TEK: variants seen among roughly 807,000 people sequenced by gnomAD.
TEK encodes TEK receptor tyrosine kinase, also known as angiopoietin-1 receptor.
Under a neutral mutation model 131.8 loss-of-function variants are expected in TEK, and 43 were observed. That is an observed-to-expected ratio of 0.33 (90% CI 0.26 to 0.42). TEK has a LOEUF of 0.42. TEK is among the 10% of genes least tolerant of loss of function. The pLI, the probability that TEK is intolerant of heterozygous loss-of-function variation, is 1.00. For synonymous variants in TEK, 580 were observed against 491.6 expected (o/e 1.18, Z -2.38); for missense variants, 1,162 against 1,384.4 (o/e 0.84, Z 2.55).
intron 5 of TEK, 79 bp downstream of exon 5, chr9:27,172,826 C>T: frequency 6.3e-7 from 1 of 1,581,928 alleles, no homozygotes; most frequent in Non-Finnish European, 8.6e-7. Context: ...GATCTCGACA[C>T]AGATGGGAAT....
intron 1 of TEK, among the ~76,000 whole-genome samples, chr9:27,138,760 A>G (rs1822601989): frequency 6.6e-6 from 1 of 152,210 alleles, no homozygotes; most frequent in South Asian, 2.1e-4. Flanking sequence ...ACATAAACAG[A>G]TGGGTCCAAC....
chr9:27,120,205 A>G (rs890053248), intron 1 of TEK, among the ~76,000 whole-genome samples: 18 of 152,312 alleles, frequency 1.2e-4, no homozygotes, highest in African/African-American at 3.8e-4. Context: ...TCTCAGTCCC[A>G]CATACTATGA....
chr9:27,197,121 G>T (rs75015038), intron 11 of TEK, among the ~76,000 whole-genome samples, 194 bp from the exon 12 acceptor site: 1 of 149,798 alleles, frequency 6.7e-6, no homozygotes, highest in African/African-American at 2.5e-5. Context: ...GAACTCACTC[G>T]GTATCAGGAG....
At chr9:27,209,012 C>T in intron 15 of TEK, 109 bp from the exon 16 acceptor site, 1 of 743,152 alleles carries the variant, frequency 1.3e-6, no homozygotes, top group South Asian at 1.5e-5. Flanking sequence ...TGGTTGTATA[C>T]AGTTGATGGT....
rs1297259837 is a variant in TEK, at chr9:27,229,773, G to C, written c.*541G>C. The C allele has an allele frequency of 6.1e-6, 1 of 163,978 alleles. No individual in the cohort carries two copies. The allele number at this position is 163,978 out of a possible 1,614,324, so 10.2% of individuals were successfully genotyped here. A position where few individuals can be genotyped will look rare whatever the true frequency, so the allele number is the denominator to read the frequency against. On this transcript the variant is annotated 3_prime_UTR_variant, in exon 23 of 23. Transcript: ENST00000380036. ...TCTCTCTCAATTTTATCCCTCACCT[G>C]TAGCAGCCAGTCCCGTTTCATTTAG...
intron 1 of TEK, among the ~76,000 whole-genome samples, chr9:27,132,641 A>G (rs1400844649): frequency 6.6e-6 from 1 of 152,246 alleles, no homozygotes; most frequent in Non-Finnish European, 1.5e-5. Flanking sequence ...AACAAAAACT[A>G]TAAAATGAGA....
intron 1 of TEK, among the ~76,000 whole-genome samples, chr9:27,144,142 C>T (rs968798504): frequency 6.6e-5 from 10 of 152,170 alleles, no homozygotes; most frequent in Middle Eastern, 3.4e-3. Flanking sequence ...ATTAGCTGGG[C>T]GTGGTGGTGC....
chr9:27,148,486 C>T (rs1006427010), intron 1 of TEK, among the ~76,000 whole-genome samples: 8 of 152,184 alleles, frequency 5.3e-5, no homozygotes, highest in Non-Finnish European at 1.0e-4. Flanking sequence ...CATCCTCTAG[C>T]GGGTTAGTCT....
chr9:27,113,212 A>T (rs533770379), intron 1 of TEK, among the ~76,000 whole-genome samples: 7 of 152,186 alleles, frequency 4.6e-5, no homozygotes, highest in African/African-American at 7.2e-5. Flanking sequence ...TCTTTTATGG[A>T]TGAAATACCC....
chr9:27,222,163 A>T (rs1334587678), intron 21 of TEK, among the ~76,000 whole-genome samples: 1 of 152,210 alleles, frequency 6.6e-6, no homozygotes, highest in Non-Finnish European at 1.5e-5. Flanking sequence ...CACTTAAAGC[A>T]TGAAGACAAG....
At chr9:27,213,706 G>C (rs1411629188) in intron 18 of TEK, 109 bp downstream of exon 18, 9 of 805,996 alleles carry the variant, frequency 1.1e-5, no homozygotes, top group Non-Finnish European at 1.9e-5. Context: ...GCATCTGACT[G>C]TATGTCCCAG....
intron 18 of TEK, among the ~76,000 whole-genome samples, chr9:27,217,006 G>A (rs1472860851): frequency 6.6e-6 from 1 of 152,164 alleles, no homozygotes; most frequent in Non-Finnish European, 1.5e-5. Flanking sequence ...CAATGTCCAG[G>A]CACATCTGAT....
intron 6 of TEK, among the ~76,000 whole-genome samples, chr9:27,176,855 C>G (rs12344397): frequency 6.6e-6 from 1 of 152,218 alleles, no homozygotes; most frequent in African/African-American, 2.4e-5. Context: ...TTCCTCCACC[C>G]TGTAGTCCCT....
chr9:27,115,812 CTGAG>C (rs1755351375), intron 1 of TEK, among the ~76,000 whole-genome samples: 1 of 152,114 alleles, frequency 6.6e-6, no homozygotes, highest in African/African-American at 2.4e-5. Context: ...CTTAAGGAAG[CTGAG>C]TGAAGCTGTA....
At chr9:27,164,540 C>T (rs1823659366) in intron 2 of TEK, among the ~76,000 whole-genome samples, 1 of 152,056 alleles carries the variant, frequency 6.6e-6, no homozygotes, top group Non-Finnish European at 1.5e-5. Context: ...AGGATGATGT[C>T]GATCTCCTGA....
intron 21 of TEK, among the ~76,000 whole-genome samples, chr9:27,224,542 A>T (rs569104134): frequency 6.6e-6 from 1 of 152,206 alleles, no homozygotes; most frequent in African/African-American, 2.4e-5. Context: ...AAAAGCCTTC[A>T]AGGAAATTCA....
chr9:27,136,874 T>C (rs1822468782), intron 1 of TEK, among the ~76,000 whole-genome samples: 1 of 152,188 alleles, frequency 6.6e-6, no homozygotes, highest in Non-Finnish European at 1.5e-5. Context: ...GTTCTACCTT[T>C]CTGCTAAAGA....
At chr9:27,216,708 G>A (rs563015636) in intron 18 of TEK, among the ~76,000 whole-genome samples, 5 of 152,312 alleles carry the variant, frequency 3.3e-5, no homozygotes, top group African/African-American at 1.2e-4. Flanking sequence ...TGCACATTCA[G>A]GAATCGTCCT....
intron 1 of TEK, among the ~76,000 whole-genome samples, chr9:27,148,878 A>C (rs1467233515): frequency 1.3e-5 from 2 of 152,184 alleles, no homozygotes; most frequent in Non-Finnish European, 2.9e-5. Context: ...CTACTTGGTC[A>C]TTTAACTTCA....
Sources: allele counts gnomAD v4.1 joint callset (sites outside exome capture counted in the v4.1 genomes callset), GRCh38; gene constraint gnomAD v4.1.1; transcripts MANE v1.5; gene names NCBI Gene and HGNC (gene_info 2026-07-23, HGNC 2026-07-21).